Variants in SHROOM3 observed in about 807,000 individuals in gnomAD.
The protein encoded by SHROOM3 is protein Shroom3.
SHROOM3 carries 47 observed loss-of-function variants against 138.6 expected under a neutral mutation model. The ratio of observed to expected loss-of-function variants is 0.34; its 90% CI spans 0.27 to 0.43. The LOEUF (loss-of-function observed/expected upper bound fraction) is 0.43. SHROOM3 is among the 20% of genes least tolerant of loss of function. The pLI, the probability that SHROOM3 is intolerant of heterozygous loss-of-function variation, is 1.00. For synonymous variants in SHROOM3, 1,062 were observed against 1,063.3 expected, an observed-to-expected ratio of 1.00 and a Z score of 0.02; for missense variants, 2,491 against 2,596.5, an observed-to-expected ratio of 0.96 and a Z score of 0.88.
chr4:76,677,535 A>G (rs1446532029), intron 2 of SHROOM3, among the ~76,000 whole-genome samples: 1 of 152,226 alleles, frequency 6.6e-6, no homozygotes, highest in Non-Finnish European at 1.5e-5. Flanking sequence ...AGCACAAAAT[A>G]CATGGTGGCT....
In SHROOM3 at chr4:76,740,298, G is replaced by A. The variant is rs781317898; in HGVS notation, c.2125G>A (p.Ala709Thr). 4 of 1,613,140 alleles carry A rather than the reference G, an allele frequency of 2.5e-6. No individual in the cohort carries two copies. Among genetic ancestry groups the A allele is most frequent in the East Asian group, 2.2e-5 (1 of 44,874 alleles). ...GGCAGAAGACCCTGGGAGGAAAGCCGCTCCTGACCTCGGGAGCCATCTGGA... is the reference window on the plus strand; with the variant it reads ...GGCAGAAGACCCTGGGAGGAAAGCCACTCCTGACCTCGGGAGCCATCTGGA... ...TKAEDPGRKAAPDLGSHLDRQ... is the reference protein window; with the variant it reads ...TKAEDPGRKATPDLGSHLDRQ... The change falls in exon 5 of 11, where the codon GCT becomes ACT. Residue 709 changes from alanine (A) to threonine (T), a missense_variant. Physicochemically the swap from Ala to Thr is moderately conservative, Grantham distance 58. This residue lies in a region of SHROOM3 where 1,733 missense variants were observed against 1,661.6 expected (regional missense o/e 1.04). Coordinates refer to ENST00000296043, the MANE Select transcript of SHROOM3 (RefSeq NM_020859.4). This position sits in a 1 kb window ranked among gnomAD's most constrained non-coding sequence, Gnocchi z 4.0.
chr4:76,750,211 T>A (rs344127), intron 6 of SHROOM3, among the ~76,000 whole-genome samples: 124,139 of 152,142 alleles, frequency 0.82, 50,876 homozygotes, highest in African/African-American at 0.86. Context: ...ATTAATTAAA[T>A]GCTAGAGACA....
chr4:76,713,880 A>T (rs1039911813), intron 3 of SHROOM3, among the ~76,000 whole-genome samples: 1 of 152,170 alleles, frequency 6.6e-6, no homozygotes, highest in Non-Finnish European at 1.5e-5. Context: ...GCCCTATGTT[A>T]GTGTACCTCC....
Position 76,759,553 on chromosome 4 carries a change from A to G in SHROOM3, c.5207A>G (p.Asp1736Gly). ...TGCTCTTTTTGGCCCAGGAATGAAG[A>G]CAAGGAAGCAGTGAGCATGTTGGTT... ...SSGCEGKRNE[D>G]KEAVSMLVNC... Residue 1736 changes from aspartate (D) to glycine (G), a missense_variant, in exon 9 of 11, where the codon GAC becomes GGC. By Grantham distance (94) the Asp-to-Gly change is moderately conservative (BLOSUM62 -1). This residue lies in a region of SHROOM3 where 470 missense variants were observed against 595.0 expected (regional missense o/e 0.79). Coordinates refer to ENST00000296043, the MANE Select transcript of SHROOM3 (RefSeq NM_020859.4). The G allele has an allele frequency of 4.3e-6, 7 of 1,614,110 alleles. No individual in the cohort carries two copies. The highest frequency in any genetic ancestry group is 5.9e-6 in the Non-Finnish European group (7 of 1,179,970).
chr4:76,642,609 A>G (rs546129317), intron 2 of SHROOM3, among the ~76,000 whole-genome samples: 1 of 152,318 alleles, frequency 6.6e-6, no homozygotes, highest in South Asian at 2.1e-4. Context: ...GGGACAAACA[A>G]AGTTGTTTGA....
intron 1 of SHROOM3, among the ~76,000 whole-genome samples, chr4:76,524,651 A>C (rs958806503): frequency 5.3e-5 from 8 of 152,164 alleles, no homozygotes; most frequent in African/African-American, 1.9e-4. Flanking sequence ...GGGCTGCTTC[A>C]ATAGATTTGT....
rs75176982 is a variant in SHROOM3, at chr4:76,597,093, G to A, written c.323+41330G>A. Among the ~76,000 whole-genome samples, 7 of 152,354 alleles carry A rather than the reference G, an allele frequency of 4.6e-5. No individual in the cohort carries two copies. The East Asian group carries it at 1.2e-3, about 25-fold the overall frequency. Reference sequence around the variant, plus strand: ...TAACCTCTGTCTCTGATAAAAGGGTGTAATATCTGCCAAGTCTTTCCTAAA... The same window carrying A: ...TAACCTCTGTCTCTGATAAAAGGGTATAATATCTGCCAAGTCTTTCCTAAA... On this transcript the variant is annotated intron_variant, in intron 2 of 10. Transcript: ENST00000296043.
At chr4:76,608,465 T>C (rs1734668468) in intron 2 of SHROOM3, among the ~76,000 whole-genome samples, 1 of 151,930 alleles carries the variant, frequency 6.6e-6, no homozygotes, top group African/African-American at 2.4e-5. Context: ...GTTCTCTCAG[T>C]CCATTGGCCT....
intron 1 of SHROOM3, among the ~76,000 whole-genome samples, chr4:76,476,450 T>C (rs1731487625): frequency 2.0e-5 from 3 of 152,226 alleles, no homozygotes; most frequent in African/African-American, 7.2e-5. Context: ...GAGCATCAGA[T>C]TACTGCATTT....
intron 2 of SHROOM3, among the ~76,000 whole-genome samples, chr4:76,642,740 C>A (rs1390905016): frequency 6.6e-6 from 1 of 151,814 alleles, no homozygotes; most frequent in Admixed American, 6.6e-5. Flanking sequence ...GTGCCAGGAA[C>A]AAGGGCTCTA....
At chr4:76,768,202 T>G (rs1354809552) in intron 9 of SHROOM3, among the ~76,000 whole-genome samples, 1 of 152,238 alleles carries the variant, frequency 6.6e-6, no homozygotes, top group African/African-American at 2.4e-5. Context: ...CTTAACCCAG[T>G]CCAGCAGGAA....
intron 1 of SHROOM3, among the ~76,000 whole-genome samples, chr4:76,527,971 T>C (rs1187845658): frequency 2.6e-5 from 4 of 152,174 alleles, no homozygotes; most frequent in Non-Finnish European, 5.9e-5. Context: ...GGTGAATGGA[T>C]ATTGGGGCAA....
intron 2 of SHROOM3, among the ~76,000 whole-genome samples, chr4:76,631,064 C>T (rs1735302625): frequency 6.6e-6 from 1 of 151,850 alleles, no homozygotes; most frequent in Non-Finnish European, 1.5e-5. Flanking sequence ...ATGCAGACAA[C>T]AAACAAATAA....
At chr4:76,693,578 G>T (rs556570631) in intron 2 of SHROOM3, among the ~76,000 whole-genome samples, 30 of 151,674 alleles carry the variant, frequency 2.0e-4, no homozygotes, top group African/African-American at 7.0e-4. Flanking sequence ...GTAGAGACTG[G>T]GTTTCACCAT....
At chr4:76,629,474 A>G (rs1448831572) in intron 2 of SHROOM3, among the ~76,000 whole-genome samples, 1 of 152,190 alleles carries the variant, frequency 6.6e-6, no homozygotes, top group Non-Finnish European at 1.5e-5. Flanking sequence ...TTGAGCAGAG[A>G]ATCAACATAC....
intron 5 of SHROOM3, among the ~76,000 whole-genome samples, chr4:76,745,483 G>A (rs1721405022): frequency 6.6e-6 from 1 of 152,200 alleles, no homozygotes; most frequent in Non-Finnish European, 1.5e-5. Context: ...TGAGGAAATT[G>A]CTCAATGCAT....
intron 1 of SHROOM3, chr4:76,532,269 G>A (rs371943554): frequency 1.2e-4 from 18 of 152,356 alleles, no homozygotes; most frequent in African/African-American, 4.3e-4. Flanking sequence ...TTGCGTGGGG[G>A]CCATGTTATC....
At position 76,608,648 on chromosome 4, in the gene SHROOM3, T is replaced by TTGGACAG. The variant is rs1560563289; in HGVS notation, c.323+52885_323+52886insTGGACAG. On this transcript the variant is annotated intron_variant, in intron 2 of 10. Transcript: ENST00000296043. The stretch of plus-strand genomic sequence containing the variant: ...TGGTATAGCATAGCATAGCATAGCA[T>TTGGACAG]AGCATAGCATAGCATAGCACAGCAT... 1.0e-3 allele frequency among the ~76,000 whole-genome samples: 20 copies of TTGGACAG among 20,074 alleles called. 1 individual carries two copies. In the East Asian group the frequency reaches 0.028, roughly 29 times the overall value. The allele number at this position is 20,074 out of a possible 152,430, so 13.2% of individuals were successfully genotyped here. A position where few individuals can be genotyped will look rare whatever the true frequency, so the allele number is the denominator to read the frequency against.
intron 1 of SHROOM3, among the ~76,000 whole-genome samples, chr4:76,548,117 C>G (rs1445840791): frequency 6.6e-6 from 1 of 151,658 alleles, no homozygotes; most frequent in Non-Finnish European, 1.5e-5. Context: ...TCAAATGGTT[C>G]CCTGGGGGAA....
Sources: allele counts gnomAD v4.1 joint callset (sites outside exome capture counted in the v4.1 genomes callset), GRCh38; gene constraint gnomAD v4.1.1; regional missense constraint gnomAD v4.1.1; non-coding constraint Gnocchi (gnomAD v3.1); transcripts MANE v1.5; gene names NCBI Gene and HGNC (gene_info 2026-07-23, HGNC 2026-07-21).